Variants in ERG observed in about 807,000 individuals in gnomAD.
ERG encodes transcriptional regulator ERG.
ERG carries 9 observed loss-of-function variants against 55.3 expected under a neutral mutation model. The observed-to-expected ratio is 0.16, with a 90% CI of 0.10 to 0.28. The LOEUF is 0.28. Among genes scored for constraint, ERG ranks in the 10% least tolerant of loss-of-function variants. ERG has a pLI of 1.00. For synonymous variants in ERG, 223 were observed against 237.3 expected (o/e 0.94, Z 0.55); for missense variants, 434 against 631.6 (o/e 0.69, Z 3.35).
intron 2 of ERG, among the ~76,000 whole-genome samples, chr21:38,530,087 T>C (rs2146769469): frequency 6.6e-6 from 1 of 152,240 alleles, no homozygotes; most frequent in African/African-American, 2.4e-5. Context: ...TGAGACAGAG[T>C]CTTGCTCTGT....
intron 1 of ERG, among the ~76,000 whole-genome samples, chr21:38,652,076 CT>C (rs1210675528): frequency 6.6e-6 from 1 of 152,222 alleles, no homozygotes; most frequent in Non-Finnish European, 1.5e-5. Context: ...TTCCCTACCT[CT>C]TAACTTTACA....
chr21:38,468,256 C>T (rs1167077849), intron 1 of ERG, among the ~76,000 whole-genome samples: 1 of 152,208 alleles, frequency 6.6e-6, no homozygotes, highest in Non-Finnish European at 1.5e-5. Flanking sequence ...TGTCTCACTC[C>T]TTTCTCTCTC....
At chr21:38,423,745 TG>T (rs1989667101) in intron 2 of ERG, among the ~76,000 whole-genome samples, 184 bp from the exon 3 acceptor site, 1 of 152,086 alleles carries the variant, frequency 6.6e-6, no homozygotes, top group Admixed American at 6.6e-5. Context: ...CCCAACACTT[TG>T]GGATGCCGAG....
chr21:38,491,456 G>T (rs1045773760), intron 1 of ERG, among the ~76,000 whole-genome samples: 10 of 152,218 alleles, frequency 6.6e-5, no homozygotes, highest in African/African-American at 1.7e-4. Context: ...TGTGTTAAAT[G>T]CAAGAGTGCG....
intron 3 of ERG, among the ~76,000 whole-genome samples, chr21:38,407,407 T>G (rs1302236979): frequency 2.6e-5 from 4 of 152,096 alleles, no homozygotes; most frequent in East Asian, 1.9e-4. Flanking sequence ...ATCATTGTAT[T>G]TTGCAAAGAT....
chr21:38,370,498 T>C, the ERG span, among the ~76,000 whole-genome samples: 1 of 152,102 alleles, frequency 6.6e-6, no homozygotes, highest in Non-Finnish European at 1.5e-5. Flanking sequence ...AAAACCGTTT[T>C]GCACCTCAAG....
chr21:38,442,209 C>T (rs1870864309), intron 2 of ERG, among the ~76,000 whole-genome samples: 1 of 152,112 alleles, frequency 6.6e-6, no homozygotes, highest in Non-Finnish European at 1.5e-5. Context: ...GCCTGGCCAA[C>T]ATGGTGAAAC....
At chr21:38,424,854 G>A (rs1989746681) in intron 2 of ERG, among the ~76,000 whole-genome samples, 1 of 152,182 alleles carries the variant, frequency 6.6e-6, no homozygotes, top group African/African-American at 2.4e-5. Context: ...CAGTCCTAGA[G>A]GACCCTTGGG....
At chr21:38,644,063 C>G (rs28760544) in intron 1 of ERG, among the ~76,000 whole-genome samples, 12,775 of 152,186 alleles carry the variant, frequency 0.084, 1,300 homozygotes, top group African/African-American at 0.25. Context: ...TTCCTAGAGG[C>G]CTTCATAGCC....
chr21:38,441,993 C>A (rs2058845718), intron 2 of ERG, among the ~76,000 whole-genome samples: 1 of 152,272 alleles, frequency 6.6e-6, no homozygotes, highest in African/African-American at 2.4e-5. Flanking sequence ...CAAAACACAT[C>A]ACCGATGCTT....
chr21:38,635,264 G>A (rs137984553), intron 1 of ERG, among the ~76,000 whole-genome samples: 44 of 152,134 alleles, frequency 2.9e-4, no homozygotes, highest in Non-Finnish European at 4.9e-4. Flanking sequence ...TGAAAAATGT[G>A]AGCCTACTAT....
intron 2 of ERG, among the ~76,000 whole-genome samples, chr21:38,568,385 C>T (rs2059936557): frequency 6.6e-6 from 1 of 152,176 alleles, no homozygotes; most frequent in Non-Finnish European, 1.5e-5. Flanking sequence ...ATTTATTCCT[C>T]GTGATTCTAT....
chr21:38,451,008 G>A (rs911699912), intron 1 of ERG: 15 of 436,178 alleles, frequency 3.4e-5, no homozygotes, highest in African/African-American at 2.6e-4. Context: ...CCCCAAGGCT[G>A]TAGACTGGCC....
At chr21:38,588,263 C>T (rs1157833110), upstream of ERG, among the ~76,000 whole-genome samples, 1 of 152,192 alleles carries the variant, frequency 6.6e-6, no homozygotes, top group Non-Finnish European at 1.5e-5. Flanking sequence ...ACCCCTGGTC[C>T]AGCAACGGCA....
intron 2 of ERG, among the ~76,000 whole-genome samples, chr21:38,574,284 G>A (rs946995958): frequency 3.3e-5 from 5 of 152,168 alleles, no homozygotes; most frequent in African/African-American, 7.2e-5. Context: ...CAGCACTTCC[G>A]AAGAAACCTT....
intron 2 of ERG, among the ~76,000 whole-genome samples, chr21:38,517,634 A>G (rs1450891516): frequency 1.3e-5 from 2 of 152,158 alleles, no homozygotes; most frequent in Admixed American, 6.5e-5. Context: ...AGAAATCAGT[A>G]TATCAAAAAG....
At chr21:38,570,503 T>C (rs1205307805) in intron 2 of ERG, among the ~76,000 whole-genome samples, 1 of 152,256 alleles carries the variant, frequency 6.6e-6, no homozygotes, top group Non-Finnish European at 1.5e-5. Flanking sequence ...GATGATGTTT[T>C]ATCTTTAAGA....
intron 1 of ERG, among the ~76,000 whole-genome samples, chr21:38,642,708 G>A (rs1042064772): frequency 3.3e-5 from 5 of 152,320 alleles, no homozygotes; most frequent in East Asian, 1.9e-4. Flanking sequence ...CAAAGACCAA[G>A]TCACCAGCAC....
At chr21:38,393,282 T>C (rs1988060501) in intron 6 of ERG, among the ~76,000 whole-genome samples, 1 of 152,264 alleles carries the variant, frequency 6.6e-6, no homozygotes, top group Non-Finnish European at 1.5e-5. Context: ...GTGTGAGTTC[T>C]ATTAATGATT....
Sources: allele counts gnomAD v4.1 joint callset (sites outside exome capture counted in the v4.1 genomes callset), GRCh38; gene constraint gnomAD v4.1.1; transcripts MANE v1.5; gene names NCBI Gene and HGNC (gene_info 2026-07-23, HGNC 2026-07-21).